Variants in KIAA1217 observed in about 807,000 individuals in gnomAD.
KIAA1217 encodes KIAA1217.
KIAA1217 carries 88 observed loss-of-function variants against 163.9 expected under a neutral mutation model. The observed-to-expected ratio is 0.54, with a 90% CI of 0.45 to 0.64. The LOEUF (loss-of-function observed/expected upper bound fraction) is 0.64, where lower values mean the gene tolerates loss of function less well. Ranked by LOEUF, KIAA1217 falls within the 30% of genes least tolerant of loss-of-function variation. KIAA1217 has a pLI of 0.00. For missense variants in KIAA1217, 2,372 were observed against 2,475.0 expected, an observed-to-expected ratio of 0.96 and a Z score of 0.88; for synonymous variants, 903 against 923.1, an observed-to-expected ratio of 0.98 and a Z score of 0.39.
chr10:24,063,030 T>C (rs2060793032), intron 2 of KIAA1217, among the ~76,000 whole-genome samples: 1 of 152,178 alleles, frequency 6.6e-6, no homozygotes, highest in Admixed American at 6.5e-5. Context: ...CTGTAGATTC[T>C]GGATATTAGC....
intron 1 of KIAA1217, among the ~76,000 whole-genome samples, chr10:23,717,155 C>T (rs925688564): frequency 2.6e-5 from 4 of 152,238 alleles, no homozygotes; most frequent in East Asian, 1.9e-4. Context: ...TACGTCTTCA[C>T]CTTTTTGTCA....
intron 2 of KIAA1217, among the ~76,000 whole-genome samples, chr10:24,312,640 G>A (rs1220193263): frequency 1.3e-5 from 2 of 151,900 alleles, no homozygotes; most frequent in Admixed American, 6.6e-5. Context: ...AAAAAAGGTG[G>A]GCATGGCGGC....
chr10:23,946,022 G>A (rs1844024314), intron 1 of KIAA1217, among the ~76,000 whole-genome samples: 1 of 152,062 alleles, frequency 6.6e-6, no homozygotes, highest in Admixed American at 6.5e-5. Flanking sequence ...ATAGTATTAG[G>A]CTGGTGAAAT....
At chr10:24,043,787 C>T (rs1001420651) in intron 2 of KIAA1217, among the ~76,000 whole-genome samples, 15 of 152,096 alleles carry the variant, frequency 9.9e-5, no homozygotes, top group Non-Finnish European at 1.8e-4. Context: ...CAATCCGAGG[C>T]TCGGTGCTTA....
chr10:23,864,630 T>A (rs1488896970), intron 1 of KIAA1217, among the ~76,000 whole-genome samples: 1 of 151,946 alleles, frequency 6.6e-6, no homozygotes, highest in Non-Finnish European at 1.5e-5. Context: ...TGTACAAATA[T>A]AAATACACAT....
At chr10:24,226,031 G>C (rs1046932088) in intron 2 of KIAA1217, among the ~76,000 whole-genome samples, 1 of 152,160 alleles carries the variant, frequency 6.6e-6, no homozygotes, top group Non-Finnish European at 1.5e-5. Flanking sequence ...ATTGCAGTTT[G>C]AGCAGTCAGA....
At chr10:24,419,528 G>A (rs2058560493) in intron 3 of KIAA1217, among the ~76,000 whole-genome samples, 1 of 152,154 alleles carries the variant, frequency 6.6e-6, no homozygotes, top group Non-Finnish European at 1.5e-5. Flanking sequence ...CCTCATCTGT[G>A]AGATGGGGAT....
At chr10:24,344,465 A>G (rs2047479015) in intron 2 of KIAA1217, among the ~76,000 whole-genome samples, 1 of 152,204 alleles carries the variant, frequency 6.6e-6, no homozygotes, top group Non-Finnish European at 1.5e-5. Flanking sequence ...CTCTGAGGTA[A>G]ATCTTCTTGC....
intron 3 of KIAA1217, among the ~76,000 whole-genome samples, chr10:24,398,939 C>T (rs981221324): frequency 6.6e-6 from 1 of 152,098 alleles, no homozygotes; most frequent in Non-Finnish European, 1.5e-5. Context: ...GTACTGGCTG[C>T]GACCAATTAT....
At chr10:24,238,050 T>C (rs2072526063) in intron 2 of KIAA1217, among the ~76,000 whole-genome samples, 1 of 152,072 alleles carries the variant, frequency 6.6e-6, no homozygotes. Context: ...GGTGTAGAGG[T>C]TAATGTTTGC....
At chr10:24,022,400 A>C (rs573940964) in intron 2 of KIAA1217, among the ~76,000 whole-genome samples, 1 of 151,974 alleles carries the variant, frequency 6.6e-6, no homozygotes, top group South Asian at 2.1e-4. Context: ...TTAAAACAAC[A>C]AGATACAATT....
At chr10:24,251,255 C>A (rs1312471972) in intron 2 of KIAA1217, among the ~76,000 whole-genome samples, 1 of 151,660 alleles carries the variant, frequency 6.6e-6, no homozygotes, top group Non-Finnish European at 1.5e-5. Context: ...TAAAATTGAG[C>A]CTGATGTGGT....
chr10:24,350,228 T>C (rs557823834), intron 2 of KIAA1217, among the ~76,000 whole-genome samples: 1 of 152,368 alleles, frequency 6.6e-6, no homozygotes, highest in East Asian at 1.9e-4. Flanking sequence ...AGATGCTTCC[T>C]GGTTTTAAAA....
At chr10:24,033,419 G>A (rs1362324200) in intron 2 of KIAA1217, among the ~76,000 whole-genome samples, 2 of 152,158 alleles carry the variant, frequency 1.3e-5, no homozygotes, top group Non-Finnish European at 2.9e-5. Flanking sequence ...CACTATCAGT[G>A]TAAAGTGGCA....
intron 6 of KIAA1217, among the ~76,000 whole-genome samples, chr10:24,484,241 A>ATTTTTTTTTTT (rs59233394): frequency 2.1e-4 from 16 of 75,154 alleles, no homozygotes; most frequent in Admixed American, 3.7e-4. Flanking sequence ...ATATATATAT[A>ATTTTTTTTTTT]TTTTTTTTTT....
intron 1 of KIAA1217, among the ~76,000 whole-genome samples, chr10:23,800,033 C>G (rs1836395659): frequency 6.6e-6 from 1 of 152,044 alleles, no homozygotes; most frequent in Non-Finnish European, 1.5e-5. Context: ...AAACTGTCAC[C>G]ACTGGGTATC....
chr10:23,948,311 G>A (rs1480340004), intron 1 of KIAA1217, among the ~76,000 whole-genome samples: 1 of 152,170 alleles, frequency 6.6e-6, no homozygotes, highest in Non-Finnish European at 1.5e-5. Context: ...AGCAGTTAGA[G>A]CAGTACCTGA....
chr10:23,845,151 G>T (rs1486717785), intron 1 of KIAA1217, among the ~76,000 whole-genome samples: 1 of 152,096 alleles, frequency 6.6e-6, no homozygotes, highest in Non-Finnish European at 1.5e-5. Context: ...TGGACATTTG[G>T]GTTGGTTCCA....
chr10:24,038,196 A>G (rs1848479225), intron 2 of KIAA1217, among the ~76,000 whole-genome samples: 1 of 152,186 alleles, frequency 6.6e-6, no homozygotes, highest in African/African-American at 2.4e-5. Flanking sequence ...TTCAGCCTTT[A>G]TGATGGCCTG....
Sources: gnomAD v4.1 joint callset for allele counts (sites outside exome capture counted in the v4.1 genomes callset) on GRCh38, gnomAD v4.1.1 for gene constraint, MANE v1.5 for transcripts, NCBI Gene and HGNC (gene_info 2026-07-23, HGNC 2026-07-21) for gene names.